The following GRM8 variants were observed in gnomAD, a reference collection of about 807,000 sequenced individuals.
The protein encoded by GRM8 is metabotropic glutamate receptor 8.
In GRM8, 47 loss-of-function variants were observed where a neutral mutation model predicts 87.2. That is an observed-to-expected ratio of 0.54 (90% CI 0.43 to 0.69). GRM8 has a LOEUF of 0.69. Among genes scored for constraint, GRM8 ranks in the 30% least tolerant of loss-of-function variants. The probability of loss-of-function intolerance (pLI) is 0.00; values close to 1 mark genes in which losing one functional copy is unlikely to be tolerated. For missense variants in GRM8, 1,019 were observed against 1,139.2 expected, an observed-to-expected ratio of 0.89 and a Z score of 1.52; for synonymous variants, 396 against 404.5, an observed-to-expected ratio of 0.98 and a Z score of 0.25.
chr7:127,205,386 A>G (rs1307690350), intron 2 of GRM8, among the ~76,000 whole-genome samples: 1 of 152,196 alleles, frequency 6.6e-6, no homozygotes, highest in East Asian at 1.9e-4. Flanking sequence ...CTGAATTACC[A>G]AGACTCGGGC....
chr7:127,164,597 A>C (rs1793325651), intron 2 of GRM8, among the ~76,000 whole-genome samples: 1 of 152,164 alleles, frequency 6.6e-6, no homozygotes, highest in Non-Finnish European at 1.5e-5. Context: ...GCCTTCACAC[A>C]CACAGACTTT....
chr7:126,917,710 C>T (rs559387062), intron 3 of GRM8, among the ~76,000 whole-genome samples: 11 of 152,244 alleles, frequency 7.2e-5, no homozygotes, highest in Middle Eastern at 6.8e-3. Context: ...ATAATTGTCT[C>T]CTTGGTCATT....
intron 3 of GRM8, among the ~76,000 whole-genome samples, chr7:127,031,705 G>C (rs186128343): frequency 1.8e-4 from 27 of 152,208 alleles, no homozygotes; most frequent in Non-Finnish European, 2.5e-4. Flanking sequence ...AAATCATCGA[G>C]TTATCTGCTA....
chr7:126,864,595 A>G (rs1798434784), intron 6 of GRM8, among the ~76,000 whole-genome samples: 1 of 152,098 alleles, frequency 6.6e-6, no homozygotes, highest in Non-Finnish European at 1.5e-5. Context: ...CTATGTATAC[A>G]TACCTATATA....
At position 127,004,601 on chromosome 7, in the gene GRM8, T is replaced by C. The variant is rs78455254; in HGVS notation, c.728-99918A>G. On this transcript the variant is annotated intron_variant, in intron 3 of 10. Transcript: ENST00000339582. ...AATTCCTGGAAAAATTTATAAATGA[T>C]CATCTGTAAGAAAGTGCTTTAGTGA... 7.3e-3 allele frequency among the ~76,000 whole-genome samples: 1,113 copies of C among 151,740 alleles called. 13 individuals are homozygous for C. Among genetic ancestry groups the C allele is most frequent in the African/African-American group, 0.025 (1,047 of 41,510 alleles).
chr7:126,716,650 A>C (rs899788200), intron 7 of GRM8, among the ~76,000 whole-genome samples: 3 of 152,134 alleles, frequency 2.0e-5, no homozygotes, highest in Non-Finnish European at 4.4e-5. Flanking sequence ...TCTGTTGTGT[A>C]TTCTATGTGT....
At chr7:126,993,893 T>C (rs1186978689) in intron 3 of GRM8, among the ~76,000 whole-genome samples, 2 of 152,238 alleles carry the variant, frequency 1.3e-5, no homozygotes, top group South Asian at 2.1e-4. Context: ...CTAGGTGAAC[T>C]TGAAAGGCAG....
At chr7:127,071,270 T>A (rs1821656095) in intron 3 of GRM8, among the ~76,000 whole-genome samples, 1 of 152,196 alleles carries the variant, frequency 6.6e-6, no homozygotes, top group African/African-American at 2.4e-5. Flanking sequence ...TCACAAAAGA[T>A]TTGAAAAAAT....
intron 6 of GRM8, among the ~76,000 whole-genome samples, chr7:126,822,739 G>A (rs955826653): frequency 2.6e-4 from 39 of 152,140 alleles, no homozygotes; most frequent in African/African-American, 8.9e-4. Context: ...GCTTTCCTCA[G>A]TCCCCTTTCC....
At chr7:127,143,918 T>A (rs1257927853) in intron 2 of GRM8, among the ~76,000 whole-genome samples, 2 of 152,142 alleles carry the variant, frequency 1.3e-5, no homozygotes, top group African/African-American at 4.8e-5. Flanking sequence ...GTGTGAGTGC[T>A]AAAAATATTT....
chr7:127,128,710 C>T (rs186169945), intron 2 of GRM8, among the ~76,000 whole-genome samples: 21 of 152,004 alleles, frequency 1.4e-4, no homozygotes, highest in African/African-American at 4.6e-4. Flanking sequence ...TAATGAATAA[C>T]GGTAAGGTTT....
chr7:126,446,524 A>G (rs1419294608), intron 9 of GRM8, 152 bp from the exon 10 acceptor site: 1 of 596,334 alleles, frequency 1.7e-6, no homozygotes, highest in African/African-American at 1.9e-5. Flanking sequence ...ATAGTCAACC[A>G]TTCCTGTGTC....
At chr7:126,806,490 T>TA (rs1200137816) in intron 6 of GRM8, among the ~76,000 whole-genome samples, 1 of 152,256 alleles carries the variant, frequency 6.6e-6, no homozygotes, top group Non-Finnish European at 1.5e-5. Flanking sequence ...TTTATTCCCC[T>TA]ATCTGGCCCC....
chr7:126,790,730 C>G (rs1821192119), intron 6 of GRM8, among the ~76,000 whole-genome samples: 1 of 152,036 alleles, frequency 6.6e-6, no homozygotes, highest in Non-Finnish European at 1.5e-5. Context: ...CTTATGATAG[C>G]AGGAACATAT....
intron 8 of GRM8, 141 bp downstream of exon 8, chr7:126,609,221 A>G (rs990126928): frequency 1.8e-6 from 1 of 552,350 alleles, no homozygotes; most frequent in African/African-American, 1.9e-5. Context: ...ACATTTTTAA[A>G]TTGAAGAGAG....
intron 3 of GRM8, among the ~76,000 whole-genome samples, chr7:127,090,192 C>G (rs1314661388): frequency 6.6e-6 from 1 of 152,172 alleles, no homozygotes; most frequent in African/African-American, 2.4e-5. Flanking sequence ...CCCTGCAATC[C>G]AGTTTCTGCA....
In GRM8 at chr7:127,202,751, G is replaced by A. The variant is rs190129280; in HGVS notation, c.510+39944C>T. ...AATTCCAAAGCCTGCCACCACACAA[G>A]GAAAATATCCATTTATTCACTTATA... On this transcript the variant is annotated intron_variant, in intron 2 of 10. Coordinates refer to ENST00000339582, the MANE Select transcript of GRM8 (RefSeq NM_000845.3). Among the ~76,000 whole-genome samples the A allele has an allele frequency of 2.2e-4, 34 of 151,964 alleles. No homozygotes were observed. The East Asian group carries it at 6.2e-3, about 28-fold the overall frequency.
intron 6 of GRM8, among the ~76,000 whole-genome samples, chr7:126,883,898 AT>A (rs1038259063): frequency 1.3e-5 from 2 of 152,204 alleles, no homozygotes; most frequent in African/African-American, 4.8e-5. Flanking sequence ...AAAAATAGAC[AT>A]TTTTAAGCAC....
intron 3 of GRM8, among the ~76,000 whole-genome samples, chr7:127,046,337 A>C (rs1818925506): frequency 6.6e-6 from 1 of 152,076 alleles, no homozygotes; most frequent in Non-Finnish European, 1.5e-5. Context: ...GCACCACTGC[A>C]CTCCAGCCTG....
Sources: gnomAD v4.1 joint callset for allele counts (sites outside exome capture counted in the v4.1 genomes callset) on GRCh38, gnomAD v4.1.1 for gene constraint, MANE v1.5 for transcripts, NCBI Gene and HGNC (gene_info 2026-07-23, HGNC 2026-07-21) for gene names.